The following ENOX1 variants were observed in gnomAD, a reference collection of about 807,000 sequenced individuals.
The protein encoded by ENOX1 is ecto-NOX disulfide-thiol exchanger 1.
A neutral mutation model predicts 82.5 loss-of-function variants in ENOX1; 42 were observed. That is an observed-to-expected ratio of 0.51 (90% CI 0.40 to 0.66). The LOEUF is 0.66. Ranked by LOEUF, ENOX1 falls within the 30% of genes least tolerant of loss-of-function variation. The pLI is 0.00. For synonymous variants in ENOX1, 271 were observed against 282.2 expected (o/e 0.96, Z 0.40); for missense variants, 608 against 811.6 (o/e 0.75, Z 3.05).
At chr13:43,227,480 C>G (rs1417166376) in intron 15 of ENOX1, among the ~76,000 whole-genome samples, 1 of 152,134 alleles carries the variant, frequency 6.6e-6, no homozygotes, top group Non-Finnish European at 1.5e-5. Context: ...TAAATAAGAA[C>G]CTTAAACATT....
chr13:43,583,215 G>A (rs1221879324), intron 2 of ENOX1, among the ~76,000 whole-genome samples: 1 of 152,184 alleles, frequency 6.6e-6, no homozygotes, highest in Non-Finnish European at 1.5e-5. Flanking sequence ...AAATTATGGA[G>A]CAAACTCATC....
chr13:43,302,242 T>C (rs1409237341), intron 11 of ENOX1, among the ~76,000 whole-genome samples: 1 of 152,126 alleles, frequency 6.6e-6, no homozygotes. Context: ...AAGAATAGAA[T>C]TAGACACCTT....
intron 5 of ENOX1, among the ~76,000 whole-genome samples, chr13:43,377,349 C>CT (rs2051710634): frequency 6.6e-6 from 1 of 152,204 alleles, no homozygotes. Context: ...TGAGCAGATG[C>CT]TGGCACCATG....
intron 2 of ENOX1, among the ~76,000 whole-genome samples, chr13:43,529,782 G>A (rs1038465808): frequency 6.6e-6 from 1 of 152,050 alleles, no homozygotes; most frequent in Non-Finnish European, 1.5e-5. Context: ...TGAAGACATC[G>A]ACAGAAGCTA....
chr13:43,455,624 C>A (rs1372032690), intron 3 of ENOX1, among the ~76,000 whole-genome samples: 1 of 152,084 alleles, frequency 6.6e-6, no homozygotes, highest in East Asian at 1.9e-4. Context: ...CACCTCACCC[C>A]ACGTCCGTCT....
chr13:43,219,082 C>T (rs2041648380), intron 16 of ENOX1, among the ~76,000 whole-genome samples: 1 of 152,164 alleles, frequency 6.6e-6, no homozygotes, highest in Admixed American at 6.5e-5. Flanking sequence ...TCATCTCCTG[C>T]ACGATTTTCT....
chr13:43,584,800 CT>C (rs1412275565), intron 2 of ENOX1, among the ~76,000 whole-genome samples: 3 of 152,150 alleles, frequency 2.0e-5, no homozygotes, highest in Non-Finnish European at 4.4e-5. Context: ...CCTGCTCCCC[CT>C]GTTGATCCAT....
At chr13:43,639,372 A>C (rs2083538006) in intron 2 of ENOX1, among the ~76,000 whole-genome samples, 3 of 152,342 alleles carry the variant, frequency 2.0e-5, no homozygotes, top group South Asian at 4.1e-4. Flanking sequence ...GAAATTAGGC[A>C]AAATTGATTA....
intron 6 of ENOX1, among the ~76,000 whole-genome samples, chr13:43,360,918 G>A (rs1393562037): frequency 6.6e-6 from 1 of 152,092 alleles, no homozygotes; most frequent in African/African-American, 2.4e-5. Flanking sequence ...TTTCCATCTA[G>A]CAAAACATAT....
intron 9 of ENOX1, among the ~76,000 whole-genome samples, chr13:43,334,990 C>T (rs762021203): frequency 1.3e-5 from 2 of 152,206 alleles, no homozygotes; most frequent in Non-Finnish European, 2.9e-5. Context: ...CCATCGCTAA[C>T]TAGCTGTGTG....
At chr13:43,460,497 C>T (rs9525778) in intron 3 of ENOX1, among the ~76,000 whole-genome samples, 71,415 of 151,910 alleles carry the variant, frequency 0.47, 17,212 homozygotes, top group African/African-American at 0.5. Context: ...GTGGAACTTT[C>T]TGTGTTAAAA....
intron 2 of ENOX1, among the ~76,000 whole-genome samples, chr13:43,577,105 G>A (rs1020440344): frequency 1.3e-5 from 2 of 149,828 alleles, no homozygotes; most frequent in Admixed American, 1.3e-4. Flanking sequence ...GGGTATGGAT[G>A]TTCCTTTTAG....
At position 43,459,982 on chromosome 13, in the gene ENOX1, A is replaced by G. The variant is rs113210079; in HGVS notation, c.-75+24027T>C. ...GCACTCCAGCCTGGGTGACAAAGCGAGACTCTGTCTCAAAAAACAAACAAC... is the reference window on the plus strand; with the variant it reads ...GCACTCCAGCCTGGGTGACAAAGCGGGACTCTGTCTCAAAAAACAAACAAC... On this transcript the variant is annotated intron_variant, in intron 3 of 16. Coordinates refer to ENST00000690772, the MANE Select transcript of ENOX1 (RefSeq NM_001347969.2). Among the ~76,000 whole-genome samples the G allele has an allele frequency of 6.9e-3, 1,051 of 152,274 alleles. 12 individuals are homozygous for G. The highest frequency in any genetic ancestry group is 0.023 in the African/African-American group (962 of 41,536).
At chr13:43,461,756 T>C (rs1225320587) in intron 3 of ENOX1, among the ~76,000 whole-genome samples, 1 of 152,174 alleles carries the variant, frequency 6.6e-6, no homozygotes, top group African/African-American at 2.4e-5. Flanking sequence ...GAGGAATCAG[T>C]TTACCAAAGT....
chr13:43,234,721 G>A (rs1180687065), intron 15 of ENOX1, among the ~76,000 whole-genome samples: 4 of 152,172 alleles, frequency 2.6e-5, no homozygotes. Flanking sequence ...GGCATAGCAT[G>A]TTATAAATGT....
intron 12 of ENOX1, among the ~76,000 whole-genome samples, chr13:43,293,608 T>C (rs1013157511): frequency 3.3e-5 from 5 of 152,214 alleles, no homozygotes; most frequent in Non-Finnish European, 5.9e-5. Flanking sequence ...ATGTGAGTTT[T>C]GGGGAGGAAT....
At chr13:43,701,876 A>G (rs2153808938) in intron 1 of ENOX1, among the ~76,000 whole-genome samples, 1 of 152,260 alleles carries the variant, frequency 6.6e-6, no homozygotes, top group East Asian at 1.9e-4. Flanking sequence ...GTACATGTGT[A>G]TGTATGTATG....
At chr13:43,529,984 G>A (rs968608945) in intron 2 of ENOX1, among the ~76,000 whole-genome samples, 5 of 152,086 alleles carry the variant, frequency 3.3e-5, no homozygotes, top group East Asian at 1.9e-4. Context: ...TGCCAAGAAT[G>A]CCTCTGACTC....
chr13:43,247,850 TATATATA>T, intron 14 of ENOX1, among the ~76,000 whole-genome samples: 1 of 2,192 alleles, frequency 4.6e-4, no homozygotes, highest in Admixed American at 9.6e-3. Flanking sequence ...TATATATATA[TATATATA>T]TATATATATA....
Sources: allele counts gnomAD v4.1 joint callset (sites outside exome capture counted in the v4.1 genomes callset), GRCh38; gene constraint gnomAD v4.1.1; transcripts MANE v1.5; gene names NCBI Gene and HGNC (gene_info 2026-07-23, HGNC 2026-07-21).